The following TOGARAM1 variants were observed in gnomAD, a reference collection of about 807,000 sequenced individuals.
TOGARAM1 encodes TOG array regulator of axonemal microtubules 1.
Under a neutral mutation model 166.6 loss-of-function variants are expected in TOGARAM1, and 100 were observed. The observed-to-expected ratio is 0.60, with a 90% CI of 0.51 to 0.71. The LOEUF is 0.71. Ranked by LOEUF, TOGARAM1 falls within the 30% of genes least tolerant of loss-of-function variation. TOGARAM1 has a pLI of 0.00. For synonymous variants in TOGARAM1, 758 were observed against 763.8 expected (o/e 0.99, Z 0.13); for missense variants, 2,029 against 2,102.7 (o/e 0.96, Z 0.69).
chr14:44,962,263 C>A lies in TOGARAM1; in HGVS notation c.-159C>A. On this transcript the variant is annotated 5_prime_UTR_variant, in exon 1 of 20. The change creates a new upstream start codon in the 5' untranslated region. Transcript: ENST00000361462. ...CAGACGGGGGCCATTTTGCCAGAGG[C>A]TGCCTCCCGGAGTTGGGGGCGGCCT... 1 of 873,630 alleles carries A rather than the reference C, an allele frequency of 1.1e-6. No homozygotes were observed. The highest frequency in any genetic ancestry group is 2.9e-5 in the East Asian group (1 of 34,656). 54.1% of individuals were successfully genotyped at this position (873,630 alleles called of 1,614,324 possible).
At chr14:44,966,163 C>A (rs935369941) in intron 1 of TOGARAM1, among the ~76,000 whole-genome samples, 16 of 151,668 alleles carry the variant, frequency 1.1e-4, no homozygotes, top group African/African-American at 3.9e-4. Context: ...CCATACCCAG[C>A]CCAAATTGTA....
At chr14:45,012,330 T>C (rs1594653233) in intron 7 of TOGARAM1, among the ~76,000 whole-genome samples, 1 of 152,284 alleles carries the variant, frequency 6.6e-6, no homozygotes, top group East Asian at 1.9e-4. Context: ...CACCTAGATT[T>C]TTTATGTAGT....
chr14:45,000,163 T>C (rs1887629722), intron 3 of TOGARAM1, among the ~76,000 whole-genome samples: 1 of 151,918 alleles, frequency 6.6e-6, no homozygotes, highest in Admixed American at 6.6e-5. Context: ...CACGCCCAGG[T>C]AATTTTTGTA....
In TOGARAM1 at chr14:44,962,691, A is replaced by C; in HGVS notation, c.270A>C (p.Ser90=). The C allele has an allele frequency of 6.2e-7, 1 of 1,614,148 alleles. No individual in the cohort carries two copies. The highest frequency in any genetic ancestry group is 8.5e-7 in the Non-Finnish European group (1 of 1,180,034). ...GGTCTGAGTCTGGAGGCGGTTTGTC[A>C]GGGGGAGATGAAGAGGACACTCGGC... The part of the protein sequence containing the change: ...SSWSESGGGL[S]GGDEEDTRLL... The change falls in exon 1 of 20, where the codon TCA becomes TCC. Residue 90 remains serine, a synonymous_variant. Coordinates refer to ENST00000361462, the MANE Select transcript of TOGARAM1 (RefSeq NM_001308120.2).
intron 14 of TOGARAM1, among the ~76,000 whole-genome samples, chr14:45,050,995 A>G (rs1010672479): frequency 6.6e-6 from 1 of 152,190 alleles, no homozygotes; most frequent in African/African-American, 2.4e-5. Flanking sequence ...GCCCGGCCTC[A>G]TTGAAGATGA....
At chr14:44,985,616 G>A (rs1566609467) in intron 1 of TOGARAM1, among the ~76,000 whole-genome samples, 1 of 152,216 alleles carries the variant, frequency 6.6e-6, no homozygotes, top group Admixed American at 6.5e-5. Context: ...AGGAGGCAGA[G>A]CTCAGGCAAT....
chr14:45,050,776 G>A (rs973109266), intron 14 of TOGARAM1, among the ~76,000 whole-genome samples: 1 of 152,018 alleles, frequency 6.6e-6, no homozygotes. Flanking sequence ...CACCATGCCT[G>A]GCTGATTTTT....
chr14:44,972,275 T>TG lies in TOGARAM1; in HGVS notation c.2046+7808_2046+7809insG, dbSNP rs376767391. ...TTAAATTTGTTAAAGTGTGTGTGTGTTTTTTTTTTGCGATAGAACGTGGTA... is the reference window on the plus strand; with the variant it reads ...TTAAATTTGTTAAAGTGTGTGTGTGTGTTTTTTTTTGCGATAGAACGTGGTA... On this transcript the variant is annotated intron_variant, in intron 1 of 19. Transcript: ENST00000361462. Among the ~76,000 whole-genome samples, 269 of 146,956 alleles carry TG rather than the reference T, an allele frequency of 1.8e-3. 2 individuals are homozygous for TG. Among genetic ancestry groups the TG allele is most frequent in the African/African-American group, 5.3e-3 (213 of 40,392 alleles).
intron 15 of TOGARAM1, among the ~76,000 whole-genome samples, chr14:45,053,929 G>T (rs1375533270): frequency 6.6e-6 from 1 of 151,902 alleles, no homozygotes; most frequent in Non-Finnish European, 1.5e-5. Flanking sequence ...GCTCAGGCTG[G>T]AGTGCAGTGG....
intron 1 of TOGARAM1, chr14:44,978,427 T>C (rs999503515): frequency 6.6e-6 from 1 of 152,186 alleles, no homozygotes; most frequent in East Asian, 1.9e-4. Flanking sequence ...TCTAATTTAC[T>C]TAGACAAAAA....
intron 7 of TOGARAM1, among the ~76,000 whole-genome samples, chr14:45,024,098 A>G (rs1880686453): frequency 6.6e-6 from 1 of 152,098 alleles, no homozygotes; most frequent in Admixed American, 6.6e-5. Flanking sequence ...TTATTTTTAT[A>G]TTACCTCTTA....
In TOGARAM1 at chr14:45,054,493, T is replaced by C. The variant is rs776469936; in HGVS notation, c.4503T>C (p.Ser1501=). 2 of 1,613,742 alleles carry C rather than the reference T, an allele frequency of 1.2e-6. No homozygotes were observed. The highest frequency in any genetic ancestry group is 8.5e-7 in the Non-Finnish European group (1 of 1,179,828). The change falls in exon 16 of 20, where the codon AGT becomes AGC. Residue 1501 remains serine (S), a synonymous_variant. Transcript: ENST00000361462. ...AAGGAAGACGATCTCATACTGGCAG[T>C]GTTGGAAATACAAGATCATCATCTG... ...SAKGRRSHTG[S]VGNTRSSSVS...
Position 44,963,670 on chromosome 14 carries a change from G to A in TOGARAM1, c.1249G>A (p.Val417Ile). The A allele has an allele frequency of 1.2e-6, 2 of 1,613,514 alleles. No homozygotes were observed. Among genetic ancestry groups the A allele is most frequent in the Non-Finnish European group, 1.7e-6 (2 of 1,180,038 alleles). Residue 417 changes from valine to isoleucine, a missense_variant, in exon 1 of 20, where the codon GTC (valine) becomes ATC (isoleucine). Val to Ile is a conservative substitution (Grantham distance 29). Around this residue, in one of 2 missense-constraint regions of TOGARAM1, gnomAD observed 1,453 missense variants for 1,432.2 expected, o/e 1.01. Coordinates refer to ENST00000361462, the MANE Select transcript of TOGARAM1 (RefSeq NM_001308120.2). ...CAAAGTGGTGCATGGCACACTTGAA[G>A]TCCTGCATTTACTGGTTATTCGCCT... is the stretch of plus-strand genomic sequence containing the variant. ...NFKVVHGTLE[V>I]LHLLVIRLGE...
intron 1 of TOGARAM1, among the ~76,000 whole-genome samples, chr14:44,968,027 A>G (rs947046418): frequency 6.6e-6 from 1 of 152,218 alleles, no homozygotes; most frequent in East Asian, 1.9e-4. Context: ...CAAAGCAAAA[A>G]GAATCTGAAG....
chr14:44,997,452 T>C (rs993761062), intron 2 of TOGARAM1: 1 of 146,706 alleles, frequency 6.8e-6, no homozygotes, highest in African/African-American at 2.5e-5. Context: ...ATTCTGATTA[T>C]ATGTCAGCGG....
At chr14:44,972,841 C>G (rs1030994199) in intron 1 of TOGARAM1, among the ~76,000 whole-genome samples, 4 of 152,044 alleles carry the variant, frequency 2.6e-5, no homozygotes, top group Admixed American at 2.6e-4. Flanking sequence ...GAAACCGTGA[C>G]TTTCAGTGAA....
At chr14:44,969,155 TTTC>T (rs1885740598) in intron 1 of TOGARAM1, among the ~76,000 whole-genome samples, 1 of 137,694 alleles carries the variant, frequency 7.3e-6, no homozygotes. Context: ...CCTTTCTTTC[TTTC>T]TTTTCTTTCT....
chr14:45,046,496 G>T (rs776557196), intron 13 of TOGARAM1, 49 bp from the exon 14 acceptor site: 22 of 1,249,722 alleles, frequency 1.8e-5, no homozygotes, highest in South Asian at 3.8e-5. Context: ...GATCTTTGGA[G>T]AATAGTTTAT....
At chr14:44,978,458 A>G (rs1255817691) in intron 1 of TOGARAM1, among the ~76,000 whole-genome samples, 1 of 152,264 alleles carries the variant, frequency 6.6e-6, no homozygotes, top group Admixed American at 6.5e-5. Context: ...AAAAGATAAT[A>G]TAGCAAATTA....
Sources: allele counts gnomAD v4.1 joint callset (sites outside exome capture counted in the v4.1 genomes callset), GRCh38; gene constraint gnomAD v4.1.1; regional missense constraint gnomAD v4.1.1; transcripts MANE v1.5; gene names NCBI Gene and HGNC (gene_info 2026-07-23, HGNC 2026-07-21).